Variants in SRGAP1 observed in about 807,000 individuals in gnomAD.
The protein encoded by SRGAP1 is SLIT-ROBO Rho GTPase activating protein 1.
In SRGAP1, 43 loss-of-function variants were observed where a neutral mutation model predicts 121.9. The ratio of observed to expected loss-of-function variants is 0.35; its 90% confidence interval spans 0.28 to 0.46. The LOEUF (loss-of-function observed/expected upper bound fraction) is 0.46. SRGAP1 is among the 20% of genes least tolerant of loss of function. The pLI, the probability that SRGAP1 is intolerant of heterozygous loss-of-function variation, is 1.00. For missense variants in SRGAP1, 1,102 were observed against 1,350.9 expected (o/e 0.82, Z 2.89); for synonymous variants, 447 against 485.4 (o/e 0.92, Z 1.04).
chr12:63,973,026 A>G (rs1463747663), intron 1 of SRGAP1, among the ~76,000 whole-genome samples: 1 of 152,142 alleles, frequency 6.6e-6, no homozygotes, highest in Non-Finnish European at 1.5e-5. Flanking sequence ...AGGCGCCTGT[A>G]ATCCCAGCTA....
At chr12:64,095,453 C>T (rs1340549310) in intron 14 of SRGAP1, among the ~76,000 whole-genome samples, 1 of 152,098 alleles carries the variant, frequency 6.6e-6, no homozygotes, top group African/African-American at 2.4e-5. Flanking sequence ...TAATCGGTGC[C>T]AGGTATAGCA....
At chr12:63,906,018 C>A (rs1248068925) in intron 1 of SRGAP1, among the ~76,000 whole-genome samples, 8 of 152,072 alleles carry the variant, frequency 5.3e-5, no homozygotes, top group Admixed American at 4.6e-4. Flanking sequence ...TAAAAGTTGG[C>A]CCCCTCATCT....
intron 1 of SRGAP1, among the ~76,000 whole-genome samples, chr12:63,959,732 A>G (rs2032583665): frequency 6.6e-6 from 1 of 152,180 alleles, no homozygotes; most frequent in Non-Finnish European, 1.5e-5. Flanking sequence ...ATGAAATAGT[A>G]TATTACTTAA....
intron 6 of SRGAP1, among the ~76,000 whole-genome samples, chr12:64,061,114 CT>C (rs1289241425): frequency 6.6e-6 from 1 of 151,750 alleles, no homozygotes. Context: ...CAGTATTATG[CT>C]TTTTTTCAAG....
intron 1 of SRGAP1, among the ~76,000 whole-genome samples, chr12:63,904,266 A>G (rs1269879528): frequency 3.3e-5 from 5 of 152,170 alleles, no homozygotes; most frequent in Non-Finnish European, 5.9e-5. Context: ...CCTTGCAGTT[A>G]TATATGAACA....
intron 1 of SRGAP1, among the ~76,000 whole-genome samples, chr12:63,898,200 A>G (rs1177279888): frequency 2.6e-5 from 4 of 152,348 alleles, no homozygotes; most frequent in South Asian, 4.1e-4. Context: ...GGGACTCCCA[A>G]CAGGATTTCC....
At chr12:63,952,706 T>G (rs114273533) in intron 1 of SRGAP1, among the ~76,000 whole-genome samples, 12 of 152,134 alleles carry the variant, frequency 7.9e-5, no homozygotes, top group Non-Finnish European at 1.2e-4. Flanking sequence ...AAAAAATATC[T>G]TGATGAAGCC....
Position 64,053,509 on chromosome 12 carries a change from A to G in SRGAP1, c.802-9408A>G, listed in dbSNP as rs190693439. ...AAGTCCTAAATAAATTTTAATTTGT[A>G]AAATAACAATCTCTTAGCTTGGAAT... On this transcript the variant is annotated intron_variant, in intron 6 of 21. Coordinates refer to ENST00000355086, the MANE Select transcript of SRGAP1 (RefSeq NM_020762.4). 4.3e-3 allele frequency among the ~76,000 whole-genome samples: 652 copies of G among 152,346 alleles called. 11 individuals carry two copies. The highest frequency in any genetic ancestry group is 9.5e-3 in the Admixed American group (146 of 15,292).
chr12:63,983,855 T>C, intron 1 of SRGAP1, 92 bp from the exon 2 acceptor site: 1 of 93,862 alleles, frequency 1.1e-5, no homozygotes. Context: ...TATATATATA[T>C]TTATATATAT....
At chr12:63,926,414 C>G (rs1194300049) in intron 1 of SRGAP1, among the ~76,000 whole-genome samples, 1 of 152,116 alleles carries the variant, frequency 6.6e-6, no homozygotes, top group Non-Finnish European at 1.5e-5. Flanking sequence ...AGGTGAAGTT[C>G]TTTGGCCATG....
At chr12:63,885,359 G>A (rs963053057) in intron 1 of SRGAP1, among the ~76,000 whole-genome samples, 9 of 152,170 alleles carry the variant, frequency 5.9e-5, no homozygotes, top group Admixed American at 2.0e-4. Context: ...TGCCAAGGGC[G>A]AGGTATGGAG....
At chr12:63,873,118 A>G (rs1191286320) in intron 1 of SRGAP1, among the ~76,000 whole-genome samples, 1 of 152,224 alleles carries the variant, frequency 6.6e-6, no homozygotes, top group Non-Finnish European at 1.5e-5. Flanking sequence ...GCTAATAGCT[A>G]TTGGGCATAG....
intron 4 of SRGAP1, among the ~76,000 whole-genome samples, chr12:64,039,628 C>CGTGTGTGTTTGTGTGTGTGTGTGTGTGT (rs2034971103): frequency 7.6e-6 from 1 of 130,782 alleles, no homozygotes; most frequent in South Asian, 2.9e-4. Flanking sequence ...AGCTGAGCAA[C>CGTGTGTGTTTGTGTGTGTGTGTGTGTGT]GTGTGTGTGT....
At chr12:64,079,145 A>T in intron 9 of SRGAP1, 29 bp downstream of exon 9, 2 of 1,612,676 alleles carry the variant, frequency 1.2e-6, no homozygotes, top group Non-Finnish European at 8.5e-7. Flanking sequence ...AAGCCACTCT[A>T]CAGAGCTCAG....
chr12:63,865,980 G>A (rs955971302), intron 1 of SRGAP1, among the ~76,000 whole-genome samples: 2 of 152,114 alleles, frequency 1.3e-5, no homozygotes, highest in East Asian at 1.9e-4. Context: ...TCCACTTTTC[G>A]TTGCATGTCA....
At chr12:64,020,645 C>T (rs1317404810) in intron 4 of SRGAP1, among the ~76,000 whole-genome samples, 1 of 151,998 alleles carries the variant, frequency 6.6e-6, no homozygotes. Context: ...GAGTTCGAGA[C>T]CAGCCTGGCC....
rs547111181 is a variant in SRGAP1, at chr12:64,108,873, T to A, written c.1814-59T>A. ...TGTACCGGTAATACATGTACTGCAG[T>A]GTTCTGTTTTAAATGTGGCAAGTGA... On this transcript the variant is annotated intron_variant, in intron 15 of 21. Coordinates refer to ENST00000355086, the MANE Select transcript of SRGAP1 (RefSeq NM_020762.4). The A allele has an allele frequency of 3.3e-6, 4 of 1,209,542 alleles. No individual in the cohort carries two copies. The Admixed American group carries it at 5.5e-5, about 16-fold the overall frequency. 74.9% of individuals were successfully genotyped at this position (1,209,542 alleles called of 1,614,324 possible). A position where few individuals can be genotyped will look rare whatever the true frequency, so the allele number is the denominator to read the frequency against.
chr12:64,070,961 TTAAGTA>T (rs1405056225), intron 8 of SRGAP1, among the ~76,000 whole-genome samples: 10 of 152,136 alleles, frequency 6.6e-5, no homozygotes, highest in African/African-American at 2.4e-4. Flanking sequence ...TGATAACCAC[TTAAGTA>T]TAATTGCTGT....
Position 64,062,980 on chromosome 12 carries a change from T to G in SRGAP1, c.865T>G (p.Tyr289Asp), listed in dbSNP as rs759415074. 6.2e-7 allele frequency: 1 copy of G among 1,613,856 alleles called. No individual in the cohort carries two copies. Among genetic ancestry groups the G allele is most frequent in the African/African-American group, 1.3e-5 (1 of 74,888 alleles). The part of the protein sequence containing the change: ...RALRTYLSAE[Y>D]NLETSRHEGL... ...CCTAAGAACATATCTGTCTGCGGAG[T>G]ACAACCTTGAAACCTCCAGACATGA... Residue 289 changes from tyrosine to aspartate, a missense_variant, in exon 7 of 22, where the codon TAC becomes GAC. Physicochemically the swap from Tyr to Asp is radical, Grantham distance 160. This residue lies in a region of SRGAP1 where 747 missense variants were observed against 929.4 expected (regional missense o/e 0.80). Transcript: ENST00000355086.
Sources: allele counts gnomAD v4.1 joint callset (sites outside exome capture counted in the v4.1 genomes callset), GRCh38; gene constraint gnomAD v4.1.1; regional missense constraint gnomAD v4.1.1; transcripts MANE v1.5; gene names NCBI Gene and HGNC (gene_info 2026-07-23, HGNC 2026-07-21).